Variants in ST8SIA4 observed in about 807,000 individuals in gnomAD.
The protein encoded by ST8SIA4 is ST8 alpha-N-acetyl-neuraminide alpha-2,8-sialyltransferase 4, also known as CMP-N-acetylneuraminate-poly-alpha-2,8-sialyltransferase.
ST8SIA4 carries 15 observed loss-of-function variants against 33.9 expected under a neutral mutation model. The observed-to-expected ratio is 0.44, with a 90% CI of 0.30 to 0.68. The LOEUF (loss-of-function observed/expected upper bound fraction) is 0.68, where lower values mean the gene tolerates loss of function less well. Ranked by LOEUF, ST8SIA4 falls within the 30% of genes least tolerant of loss-of-function variation. The probability of loss-of-function intolerance (pLI) is 0.10; values close to 1 mark genes in which losing one functional copy is unlikely to be tolerated. For synonymous variants in ST8SIA4, 171 were observed against 151.2 expected (o/e 1.13, Z -0.96); for missense variants, 321 against 428.0 (o/e 0.75, Z 2.21).
chr5:100,863,507 C>T (rs1424914625), intron 3 of ST8SIA4, among the ~76,000 whole-genome samples: 1 of 152,108 alleles, frequency 6.6e-6, no homozygotes, highest in Admixed American at 6.5e-5. Context: ...AAAATCCACT[C>T]ATGGAGTTTA....
rs1752959927 is a variant in ST8SIA4, at chr5:100,903,099, T to C, written c.-144A>G. On this transcript the variant is annotated 5_prime_UTR_variant, in exon 1 of 5. Coordinates refer to ENST00000231461, the MANE Select transcript of ST8SIA4 (RefSeq NM_005668.6). The stretch of plus-strand genomic sequence containing the variant: ...AGCCGGGATCCCGGGATCAGATCAC[T>C]GGGGTCTTCTGTGGCCGAGCTCCCT... 5 of 622,184 alleles carry C rather than the reference T, an allele frequency of 8.0e-6. No individual in the cohort carries two copies. The highest frequency in any genetic ancestry group is 5.8e-5 in the Admixed American group (2 of 34,570). 38.5% of individuals were successfully genotyped at this position (622,184 alleles called of 1,614,324 possible).
chr5:100,872,843 C>A (rs1267636312), intron 3 of ST8SIA4, among the ~76,000 whole-genome samples: 1 of 148,092 alleles, frequency 6.8e-6, no homozygotes, highest in Admixed American at 6.8e-5. Context: ...CTCAGTGTAC[C>A]AATCTTGGTG....
intron 2 of ST8SIA4, among the ~76,000 whole-genome samples, chr5:100,887,112 G>A (rs1177668495): frequency 1.3e-5 from 2 of 151,936 alleles, no homozygotes; most frequent in Non-Finnish European, 2.9e-5. Context: ...CATATGATAT[G>A]TATATTATAA....
chr5:100,851,518 T>G (rs895588825), intron 4 of ST8SIA4, among the ~76,000 whole-genome samples: 1 of 151,998 alleles, frequency 6.6e-6, no homozygotes, highest in Admixed American at 6.6e-5. Context: ...AAAAACAAGC[T>G]GTATTTATGT....
intron 4 of ST8SIA4, among the ~76,000 whole-genome samples, chr5:100,814,899 A>G (rs1006876972): frequency 6.6e-6 from 1 of 152,014 alleles, no homozygotes; most frequent in Admixed American, 6.6e-5. Flanking sequence ...ACCTGAATGT[A>G]TCTACCTATA....
At chr5:100,889,188 A>T (rs1258428499) in intron 2 of ST8SIA4, among the ~76,000 whole-genome samples, 3 of 151,930 alleles carry the variant, frequency 2.0e-5, no homozygotes, top group African/African-American at 4.8e-5. Flanking sequence ...AATATACAGA[A>T]TTTTTTGTAT....
rs1191544893 is a variant in ST8SIA4, at chr5:100,807,068, T to A, written c.*4779A>T. 1 of 152,072 alleles carries A rather than the reference T, an allele frequency of 6.6e-6. No individual in the cohort carries two copies. The highest frequency in any genetic ancestry group is 1.5e-5 in the Non-Finnish European group (1 of 67,940). The allele number at this position is 152,072 out of a possible 1,614,324, so 9.4% of individuals were successfully genotyped here. On this transcript the variant is annotated 3_prime_UTR_variant, in exon 5 of 5. Coordinates refer to ENST00000231461, the MANE Select transcript of ST8SIA4 (RefSeq NM_005668.6). ...ATGTATACACTTAAAAATAAATGGT[T>A]TGCCTAATTGCCAACCACTAGGGCT...
At chr5:100,887,920 G>T (rs1170631071) in intron 2 of ST8SIA4, among the ~76,000 whole-genome samples, 1 of 151,956 alleles carries the variant, frequency 6.6e-6, no homozygotes, top group Non-Finnish European at 1.5e-5. Context: ...TATTGATTGG[G>T]ACCTTTTAAA....
At chr5:100,834,710 C>T (rs1751329917) in intron 4 of ST8SIA4, among the ~76,000 whole-genome samples, 4 of 152,002 alleles carry the variant, frequency 2.6e-5, no homozygotes, top group Admixed American at 2.6e-4. Flanking sequence ...AGTGGGTTCT[C>T]ACAGGATATG....
chr5:100,894,673 T>A (rs1016583498), intron 2 of ST8SIA4, among the ~76,000 whole-genome samples: 1 of 152,090 alleles, frequency 6.6e-6, no homozygotes, highest in Admixed American at 6.6e-5. Context: ...CTGTGCATAC[T>A]CTAAAGATGA....
intron 2 of ST8SIA4, among the ~76,000 whole-genome samples, chr5:100,889,173 G>C (rs1176391554): frequency 6.6e-6 from 1 of 151,900 alleles, no homozygotes; most frequent in Non-Finnish European, 1.5e-5. Flanking sequence ...AGCATCAAAA[G>C]TGGCAATATA....
At chr5:100,832,881 C>T (rs1012414653) in intron 4 of ST8SIA4, among the ~76,000 whole-genome samples, 2 of 152,092 alleles carry the variant, frequency 1.3e-5, no homozygotes, top group African/African-American at 2.4e-5. Context: ...TACCACCTTC[C>T]GTTAAGAAAA....
chr5:100,839,021 G>T (rs534292078), intron 4 of ST8SIA4, among the ~76,000 whole-genome samples: 1 of 110,378 alleles, frequency 9.1e-6, no homozygotes, highest in East Asian at 3.3e-4. Flanking sequence ...AGAGATGAGG[G>T]CTTGCTATGT....
At chr5:100,825,512 T>A (rs543705126) in intron 4 of ST8SIA4, among the ~76,000 whole-genome samples, 38 of 152,276 alleles carry the variant, frequency 2.5e-4, no homozygotes, top group South Asian at 8.3e-4. Flanking sequence ...GTTCAATAAT[T>A]AAGATTTATT....
intron 1 of ST8SIA4, among the ~76,000 whole-genome samples, chr5:100,899,763 G>T (rs1245825160): frequency 6.6e-6 from 1 of 152,150 alleles, no homozygotes; most frequent in South Asian, 2.1e-4. Context: ...CACATTTCCA[G>T]TTATACCCAA....
chr5:100,834,338 T>C (rs1751321098), intron 4 of ST8SIA4, among the ~76,000 whole-genome samples: 1 of 152,194 alleles, frequency 6.6e-6, no homozygotes, highest in Admixed American at 6.5e-5. Flanking sequence ...AGCACAGTTA[T>C]CTCATAACTA....
At chr5:100,819,752 T>A (rs1181882938) in intron 4 of ST8SIA4, among the ~76,000 whole-genome samples, 1 of 152,176 alleles carries the variant, frequency 6.6e-6, no homozygotes, top group Non-Finnish European at 1.5e-5. Context: ...AGTAAACCAT[T>A]TATAAAGAGA....
intron 2 of ST8SIA4, among the ~76,000 whole-genome samples, chr5:100,892,171 C>T (rs1040587327): frequency 1.3e-5 from 2 of 151,742 alleles, no homozygotes; most frequent in Non-Finnish European, 2.9e-5. Context: ...ATGTAAAAAA[C>T]AATAACAAAA....
chr5:100,896,275 G>T (rs1752778121), intron 1 of ST8SIA4, among the ~76,000 whole-genome samples: 1 of 152,036 alleles, frequency 6.6e-6, no homozygotes, highest in Admixed American at 6.6e-5. Context: ...CCCTTAAAAA[G>T]AGCAAAATCC....
Sources: gnomAD v4.1 joint callset for allele counts (sites outside exome capture counted in the v4.1 genomes callset) on GRCh38, gnomAD v4.1.1 for gene constraint, MANE v1.5 for transcripts, NCBI Gene and HGNC (gene_info 2026-07-23, HGNC 2026-07-21) for gene names.